Variants in MYT1 observed in about 807,000 individuals in gnomAD.
MYT1 encodes myelin transcription factor I.
MYT1 carries 23 observed loss-of-function variants against 123.0 expected under a neutral mutation model. The ratio of observed to expected loss-of-function variants is 0.19; its 90% CI spans 0.13 to 0.26. The LOEUF (loss-of-function observed/expected upper bound fraction) is 0.26. Among genes scored for constraint, MYT1 ranks in the 10% least tolerant of loss-of-function variants. The pLI, the probability that MYT1 is intolerant of heterozygous loss-of-function variation, is 1.00. For missense variants in MYT1, 1,125 were observed against 1,472.5 expected (o/e 0.76, Z 3.86); for synonymous variants, 518 against 575.3 (o/e 0.90, Z 1.43).
At position 64,218,026 on chromosome 20, in the gene MYT1, C is replaced by G. The variant is rs1033935865; in HGVS notation, c.1846+745C>G. ...CATCGCGGGGCAGATGTTGTCAGCC[C>G]CAAACATGACGTGACGAGTTTCCTA... On this transcript the variant is annotated intron_variant, in intron 11 of 22. Transcript: ENST00000328439. This position sits in a 1 kb window ranked among gnomAD's most constrained non-coding sequence, Gnocchi z 4.0. Among the ~76,000 whole-genome samples the G allele has an allele frequency of 6.6e-6, 1 of 152,142 alleles. No individual in the cohort carries two copies.
chr20:64,195,401 C>CT lies in MYT1; in HGVS notation c.1-3449dup, dbSNP rs397753483. On this transcript the variant is annotated intron_variant, in intron 2 of 22. Coordinates refer to ENST00000328439, the MANE Select transcript of MYT1 (RefSeq NM_004535.3). The stretch of plus-strand genomic sequence containing the variant: ...GTGTGTGTGTGTGTGTGTGTGTATA[C>CT]TTTTTTTTTTTTGAGACGGAGTCTC... Among the ~76,000 whole-genome samples the CT allele has an allele frequency of 2.0e-3, 211 of 104,012 alleles. 25 individuals carry two copies. The South Asian group carries it at 0.063, about 31-fold the overall frequency. 68.2% of individuals were successfully genotyped at this position (104,012 alleles called of 152,430 possible). A position where few individuals can be genotyped will look rare whatever the true frequency, so the allele number is the denominator to read the frequency against.
chr20:64,173,819 T>C (rs367617939), intron 1 of MYT1, among the ~76,000 whole-genome samples: 6 of 6,748 alleles, frequency 8.9e-4, no homozygotes, highest in African/African-American at 3.2e-3. Context: ...TGTGTCCATT[T>C]CCCCTCCCTG....
chr20:64,205,184 T>G, intron 5 of MYT1, 87 bp downstream of exon 5: 2 of 1,475,302 alleles, frequency 1.4e-6, no homozygotes, highest in Non-Finnish European at 1.9e-6. Flanking sequence ...CTTTCCATCT[T>G]TTTCCATGGC....
intron 14 of MYT1, 35 bp downstream of exon 14, chr20:64,222,082 G>C: frequency 1.9e-6 from 3 of 1,609,746 alleles, no homozygotes; most frequent in Non-Finnish European, 2.5e-6. Flanking sequence ...GCTCCTAGGG[G>C]ACCCTCTGTG....
rs200168510 is a variant in MYT1 at position 64,239,942 on chromosome 20, C to G, written c.3237+39C>G. On this transcript the variant is annotated intron_variant, in intron 22 of 22. Transcript: ENST00000328439. ...GGGCCTGCCGGCACCACAGCTACCC[C>G]CCAGGGTCTCTTCGGAAAGCAGGAG... 432 of 1,602,676 alleles carry G rather than the reference C, an allele frequency of 2.7e-4. No individual in the cohort carries two copies. The African/African-American group carries it at 2.9e-3, about 11-fold the overall frequency.
rs144380507 is a variant in MYT1 at position 64,203,537 on chromosome 20, C to T, written c.87-1498C>T. Reference sequence around the variant, plus strand: ...CTTCCTCCCTCTTCCCCTCCCTTCCCGTCTGGGTTCCCTCTTCCCTCCTCC... The same window carrying T: ...CTTCCTCCCTCTTCCCCTCCCTTCCTGTCTGGGTTCCCTCTTCCCTCCTCC... On this transcript the variant is annotated intron_variant, in intron 4 of 22. Transcript: ENST00000328439. The surrounding 1 kb of genome is among the most constrained non-coding windows in gnomAD (Gnocchi z 5.1). Among the ~76,000 whole-genome samples the T allele has an allele frequency of 1.4e-3, 220 of 152,148 alleles. 1 individual carries two copies. Among genetic ancestry groups the T allele is most frequent in the African/African-American group, 4.9e-3 (204 of 41,514 alleles).
At chr20:64,199,955 G>C (rs1253933886) in intron 4 of MYT1, 33 bp downstream of exon 4, 1 of 1,611,270 alleles carries the variant, frequency 6.2e-7, no homozygotes, top group Non-Finnish European at 8.5e-7. Context: ...ACCAAGCATC[G>C]TCTATGTGCC....
intron 16 of MYT1, among the ~76,000 whole-genome samples, chr20:64,225,238 C>G (rs547293815): frequency 6.6e-6 from 1 of 152,336 alleles, no homozygotes. Context: ...TCTCTGCCAC[C>G]TCCTGTGTGA....
chr20:64,189,240 A>G lies in MYT1; in HGVS notation c.-98-823A>G, dbSNP rs1982899473. Among the ~76,000 whole-genome samples, 1 of 152,256 alleles carries G rather than the reference A, an allele frequency of 6.6e-6. No homozygotes were observed. On this transcript the variant is annotated intron_variant, in intron 1 of 22. Transcript: ENST00000328439. This position sits in a 1 kb window ranked among gnomAD's most constrained non-coding sequence, Gnocchi z 5.5. ...AGGCAAAGCCAGGGCCCAACACGAG[A>G]ATATTCATTTCCTGTTTCATTGTTG...
rs2145704719 is a variant in MYT1, at chr20:64,192,922, C to A, written c.-1+2762C>A. On this transcript the variant is annotated intron_variant, in intron 2 of 22. Transcript: ENST00000328439. The surrounding 1 kb of genome is among the most constrained non-coding windows in gnomAD (Gnocchi z 5.3). The stretch of plus-strand genomic sequence containing the variant: ...TGCTGGAGTTTTTAACAGACGGTTG[C>A]AGATATGGCTGCTTCATCAGGGTAT... Among the ~76,000 whole-genome samples the A allele has an allele frequency of 6.6e-6, 1 of 152,298 alleles. No homozygotes were observed. The highest frequency in any genetic ancestry group is 2.1e-4 in the South Asian group (1 of 4,818).
Position 64,240,672 on chromosome 20 carries a change from A to G in MYT1, c.*224A>G, listed in dbSNP as rs760357663. On this transcript the variant is annotated 3_prime_UTR_variant, in exon 23 of 23. Transcript: ENST00000328439. ...ATCTGTGTGCATAGGGGCACTGAAG[A>G]ATTACAAAGTGATTTATTTTTGTTT... 2.1e-5 allele frequency: 10 copies of G among 480,390 alleles called. No individual in the cohort carries two copies. The highest frequency in any genetic ancestry group is 3.9e-5 in the African/African-American group (2 of 50,898). The allele number at this position is 480,390 out of a possible 1,614,324, so 29.8% of individuals were successfully genotyped here.
Position 64,219,997 on chromosome 20 carries a change from C to T in MYT1, c.2241+15C>T. ...AACCTGAGGAGGTGGGTGCAGGCGC[C>T]TGGGCAAGCAGTCAGGCGGCTGCAG... On this transcript the variant is annotated intron_variant, in intron 13 of 22. Coordinates refer to ENST00000328439, the MANE Select transcript of MYT1 (RefSeq NM_004535.3). 1 of 1,453,868 alleles carries T rather than the reference C, an allele frequency of 6.9e-7. No homozygotes were observed. The highest frequency in any genetic ancestry group is 9.1e-7 in the Non-Finnish European group (1 of 1,100,322). 90.1% of individuals were successfully genotyped at this position (1,453,868 alleles called of 1,614,324 possible).
intron 1 of MYT1, among the ~76,000 whole-genome samples, chr20:64,179,076 C>G (rs956671325): frequency 3.4e-4 from 50 of 145,824 alleles, no homozygotes; most frequent in African/African-American, 1.3e-3. Context: ...TACCCTTCAA[C>G]GTGGGAGCAC....
chr20:64,232,436 G>A lies in MYT1; in HGVS notation c.2897+51G>A, dbSNP rs374591832. On this transcript the variant is annotated intron_variant, in intron 19 of 22. Coordinates refer to ENST00000328439, the MANE Select transcript of MYT1 (RefSeq NM_004535.3). The surrounding 1 kb of genome is among the most constrained non-coding windows in gnomAD (Gnocchi z 6.9). ...CTCTGTGCAGTCAGTAGGGACCCTCGCCTGGGGCCTGGGGCTGAAGCTCCT... is the reference window on the plus strand; with the variant it reads ...CTCTGTGCAGTCAGTAGGGACCCTCACCTGGGGCCTGGGGCTGAAGCTCCT... 1.4e-3 allele frequency: 2,126 copies of A among 1,550,350 alleles called. 5 individuals are homozygous for A. The highest frequency in any genetic ancestry group is 2.9e-3 in the South Asian group (263 of 89,168).
At chr20:64,165,288 G>A (rs1254678538) in intron 1 of MYT1, among the ~76,000 whole-genome samples, 1 of 152,116 alleles carries the variant, frequency 6.6e-6, no homozygotes, top group Non-Finnish European at 1.5e-5. Context: ...TCAATATCTA[G>A]GGTGCATGCG....
Position 64,208,588 on chromosome 20 carries a change from G to T in MYT1, c.1291+101G>T, listed in dbSNP as rs1037133811. The T allele has an allele frequency of 6.8e-6, 10 of 1,462,286 alleles. No individual in the cohort carries two copies. Among genetic ancestry groups the T allele is most frequent in the Non-Finnish European group, 9.0e-6 (10 of 1,108,368 alleles). The allele number at this position is 1,462,286 out of a possible 1,614,324, so 90.6% of individuals were successfully genotyped here. ...AGCCCTTCTAGGACAGGGGGCTGGG[G>T]GATGGCAGAAAAGCAGACAAAAGGA... On this transcript the variant is annotated intron_variant, in intron 7 of 22. Transcript: ENST00000328439. This position sits in a 1 kb window ranked among gnomAD's most constrained non-coding sequence, Gnocchi z 5.4.
intron 19 of MYT1, among the ~76,000 whole-genome samples, chr20:64,236,329 G>C (rs1267477697): frequency 7.5e-5 from 11 of 145,912 alleles, no homozygotes; most frequent in East Asian, 2.2e-4. Context: ...GGGTGACCCT[G>C]GGCTGGCCGC....
Position 64,227,412 on chromosome 20 carries a change from C to T in MYT1, c.2529-3C>T. The stretch of plus-strand genomic sequence containing the variant: ...CCCGTTCCAGTTCTGCTTCCCTCTG[C>T]AGGTGCCCCACGCCCGGCTGTGACG... On this transcript the variant is annotated splice_polypyrimidine_tract_variant and splice_region_variant and intron_variant, in intron 16 of 22. Transcript: ENST00000328439. The T allele has an allele frequency of 6.2e-7, 1 of 1,612,600 alleles. No individual in the cohort carries two copies. The highest frequency in any genetic ancestry group is 8.5e-7 in the Non-Finnish European group (1 of 1,179,684).
rs924676949 is a variant in MYT1, at chr20:64,203,004, G to A, written c.87-2031G>A. ...CTGCAGGGCTGGCATCTGCTGGCAC[G>A]ACACCCTTGGAGGCCCTGGCTGGGT... On this transcript the variant is annotated intron_variant, in intron 4 of 22. Transcript: ENST00000328439. This position sits in a 1 kb window ranked among gnomAD's most constrained non-coding sequence, Gnocchi z 5.1. Among the ~76,000 whole-genome samples, 1 of 152,208 alleles carries A rather than the reference G, an allele frequency of 6.6e-6. No individual in the cohort carries two copies. Among genetic ancestry groups the A allele is most frequent in the African/African-American group, 2.4e-5 (1 of 41,450 alleles).
Sources: allele counts gnomAD v4.1 joint callset (sites outside exome capture counted in the v4.1 genomes callset), GRCh38; gene constraint gnomAD v4.1.1; non-coding constraint Gnocchi (gnomAD v3.1); transcripts MANE v1.5; gene names NCBI Gene and HGNC (gene_info 2026-07-23, HGNC 2026-07-21).